DNAH6: variants seen among roughly 807,000 people sequenced by gnomAD.
The protein encoded by DNAH6 is axonemal beta dynein heavy chain 6.
A neutral mutation model predicts 491.4 loss-of-function variants in DNAH6; 340 were observed. That is an observed-to-expected ratio of 0.69 (90% CI 0.63 to 0.76). The LOEUF is 0.76. DNAH6 is among the 30% of genes least tolerant of loss of function. DNAH6 has a pLI of 0.00. For synonymous variants in DNAH6, 1,603 were observed against 1,686.1 expected (o/e 0.95, Z 1.21); for missense variants, 4,443 against 4,972.2 (o/e 0.89, Z 3.20).
the DNAH6 span, among the ~76,000 whole-genome samples, chr2:84,466,219 A>G: frequency 6.6e-6 from 1 of 152,174 alleles, no homozygotes; most frequent in Non-Finnish European, 1.5e-5. Context: ...GCAAGGTATG[A>G]GGCCAGTTCC....
At chr2:84,644,090 A>G (rs1162216239) in intron 33 of DNAH6, among the ~76,000 whole-genome samples, 1 of 152,146 alleles carries the variant, frequency 6.6e-6, no homozygotes, top group African/African-American at 2.4e-5. Flanking sequence ...ATTAGGACTC[A>G]GTCTTTTAAT....
chr2:84,681,748 A>G (rs553000397), intron 42 of DNAH6, among the ~76,000 whole-genome samples: 1 of 151,860 alleles, frequency 6.6e-6, no homozygotes, highest in South Asian at 2.1e-4. Flanking sequence ...CACTGAAAAA[A>G]AAAAAAAAAT....
Position 84,566,371 on chromosome 2 carries a change from T to C in DNAH6, c.1804-7096T>C, listed in dbSNP as rs181694401. ...AATAGCAGCAAAGCAGGTAATATAT[T>C]TAGGAATAAATTTAATAAGAAATGC... On this transcript the variant is annotated intron_variant, in intron 11 of 76. Coordinates refer to ENST00000389394, the MANE Select transcript of DNAH6 (RefSeq NM_001370.2). Among the ~76,000 whole-genome samples the C allele has an allele frequency of 7.5e-3, 1,140 of 152,138 alleles. 12 individuals carry two copies. The highest frequency in any genetic ancestry group is 8.6e-3 in the Non-Finnish European group (584 of 67,902).
At chr2:84,638,239 G>A (rs1197363725) in intron 31 of DNAH6, among the ~76,000 whole-genome samples, 2 of 152,038 alleles carry the variant, frequency 1.3e-5, no homozygotes, top group Non-Finnish European at 2.9e-5. Flanking sequence ...GAACTAAATG[G>A]AGGTCAAGCA....
intron 31 of DNAH6, among the ~76,000 whole-genome samples, chr2:84,639,737 A>G (rs1008827413): frequency 6.6e-6 from 1 of 152,128 alleles, no homozygotes; most frequent in African/African-American, 2.4e-5. Flanking sequence ...AAATATTTTT[A>G]ATCACCTACT....
rs1046243371 is a variant in DNAH6 at position 84,681,170 on chromosome 2, A to G, written c.6745-187A>G. ...CACTCAGGCATCACAAAACAATCACAGAAGACAGGAGTGAGCGCATTCTCA... is the reference window on the plus strand; with the variant it reads ...CACTCAGGCATCACAAAACAATCACGGAAGACAGGAGTGAGCGCATTCTCA... On this transcript the variant is annotated intron_variant, in intron 41 of 76. Transcript: ENST00000389394. 5.2e-4 allele frequency among the ~76,000 whole-genome samples: 79 copies of G among 152,206 alleles called. 1 individual carries two copies. Among genetic ancestry groups the G allele is most frequent in the African/African-American group, 1.7e-3 (72 of 41,440 alleles).
intron 15 of DNAH6, among the ~76,000 whole-genome samples, chr2:84,587,369 G>T (rs1281559374): frequency 6.6e-6 from 1 of 152,168 alleles, no homozygotes; most frequent in Non-Finnish European, 1.5e-5. Flanking sequence ...TTGGCATTTA[G>T]ATTGATTGCA....
chr2:84,703,777 T>C (rs1169115350), intron 50 of DNAH6, among the ~76,000 whole-genome samples: 3 of 152,082 alleles, frequency 2.0e-5, no homozygotes, highest in African/African-American at 7.2e-5. Flanking sequence ...TCCCCAAGAA[T>C]TGATGCAGCC....
At chr2:84,545,758 C>G (rs1180942705) in intron 5 of DNAH6, among the ~76,000 whole-genome samples, 1 of 152,114 alleles carries the variant, frequency 6.6e-6, no homozygotes, top group Non-Finnish European at 1.5e-5. Flanking sequence ...TACCACTAGT[C>G]TTATATTTAT....
At chr2:84,564,970 T>G (rs1291923452) in intron 11 of DNAH6, among the ~76,000 whole-genome samples, 2 of 152,206 alleles carry the variant, frequency 1.3e-5, no homozygotes, top group Non-Finnish European at 2.9e-5. Flanking sequence ...CTTTTAATTC[T>G]GTTCATGTGG....
At chr2:84,707,164 T>A (rs1696547905) in intron 53 of DNAH6, 145 bp downstream of exon 53, 3 of 972,990 alleles carry the variant, frequency 3.1e-6, no homozygotes, top group Non-Finnish European at 4.4e-6. Flanking sequence ...AGAACTCATG[T>A]GTTTTATATA....
chr2:84,524,201 CT>C (rs1676403243), intron 2 of DNAH6, among the ~76,000 whole-genome samples: 1 of 150,750 alleles, frequency 6.6e-6, no homozygotes, highest in Admixed American at 6.6e-5. Context: ...ATGTAATGCC[CT>C]TTTTTGTCTT....
At chr2:84,800,102 C>T (rs183426501) in intron 70 of DNAH6, among the ~76,000 whole-genome samples, 1 of 152,276 alleles carries the variant, frequency 6.6e-6, no homozygotes, top group Non-Finnish European at 1.5e-5. Context: ...ACAAGCAATG[C>T]CTGTCAAACA....
the DNAH6 span, among the ~76,000 whole-genome samples, chr2:84,474,611 C>T: frequency 6.6e-6 from 1 of 152,150 alleles, no homozygotes; most frequent in Non-Finnish European, 1.5e-5. Flanking sequence ...ATTTCAGCAT[C>T]CCATTGTGTT....
intron 45 of DNAH6, among the ~76,000 whole-genome samples, chr2:84,692,417 G>GA (rs1694946078): frequency 6.9e-6 from 1 of 144,852 alleles, no homozygotes; most frequent in Non-Finnish European, 1.5e-5. Flanking sequence ...TATAAATAAG[G>GA]TAGATAGATA....
intron 64 of DNAH6, among the ~76,000 whole-genome samples, chr2:84,771,500 C>T (rs1675613808): frequency 1.3e-5 from 2 of 152,058 alleles, no homozygotes; most frequent in South Asian, 2.1e-4. Flanking sequence ...AGGATAAACT[C>T]AAAGACAGCT....
At chr2:84,618,608 GAA>G (rs34717024) in intron 23 of DNAH6, among the ~76,000 whole-genome samples, 171 of 138,782 alleles carry the variant, frequency 1.2e-3, no homozygotes, top group African/African-American at 4.2e-3. Flanking sequence ...CCCGTGATTG[GAA>G]AAAAAAAAAA....
chr2:84,498,808 T>C, the DNAH6 span, among the ~76,000 whole-genome samples: 2 of 152,176 alleles, frequency 1.3e-5, no homozygotes, highest in Non-Finnish European at 1.5e-5. Flanking sequence ...CCCTTAGGTT[T>C]TTCCTTACTG....
At chr2:84,727,972 T>C (rs1194534108) in intron 61 of DNAH6, 70 bp downstream of exon 61, 1 of 978,772 alleles carries the variant, frequency 1.0e-6, no homozygotes, top group Non-Finnish European at 1.6e-6. Flanking sequence ...TCATTTTGAA[T>C]TGTAGCTACC....
Sources: gnomAD v4.1 joint callset for allele counts (sites outside exome capture counted in the v4.1 genomes callset) on GRCh38, gnomAD v4.1.1 for gene constraint, MANE v1.5 for transcripts, NCBI Gene and HGNC (gene_info 2026-07-23, HGNC 2026-07-21) for gene names.